The following NELL2 variants were observed in gnomAD, a reference collection of about 807,000 sequenced individuals.
The protein encoded by NELL2 is protein kinase C-binding protein NELL2.
NELL2 carries 41 observed loss-of-function variants against 109.6 expected under a neutral mutation model. That is an observed-to-expected ratio of 0.37 (90% CI 0.29 to 0.49). The LOEUF is 0.49. Ranked by LOEUF, NELL2 falls within the 20% of genes least tolerant of loss-of-function variation. The pLI is 0.98. For synonymous variants in NELL2, 355 were observed against 344.7 expected, an observed-to-expected ratio of 1.03 and a Z score of -0.33; for missense variants, 900 against 1,008.3, an observed-to-expected ratio of 0.89 and a Z score of 1.45.
intron 11 of NELL2, among the ~76,000 whole-genome samples, chr12:44,704,409 C>T (rs1206104783): frequency 6.6e-6 from 1 of 152,112 alleles, no homozygotes; most frequent in Non-Finnish European, 1.5e-5. Context: ...GCAAAGTATG[C>T]TCACTCTAAA....
Position 44,852,924 on chromosome 12 carries a change from T to C in NELL2, c.184+22301A>G, listed in dbSNP as rs1176347308. 3.3e-5 allele frequency among the ~76,000 whole-genome samples: 5 copies of C among 152,282 alleles called. No homozygotes were observed. In the East Asian group the frequency reaches 5.8e-4, roughly 18 times the overall value. On this transcript the variant is annotated intron_variant, in intron 2 of 19. Coordinates refer to ENST00000429094, the MANE Select transcript of NELL2 (RefSeq NM_001145108.2). ...AGATGCTTTATTGTAGAGGCACCTA[T>C]GATAAGGATAATGAAATTTTTGTAG...
At chr12:44,903,597 A>T (rs1260209119) in intron 1 of NELL2, among the ~76,000 whole-genome samples, 1 of 152,196 alleles carries the variant, frequency 6.6e-6, no homozygotes, top group African/African-American at 2.4e-5. Context: ...ACGTATGTTT[A>T]TTGCAGCACT....
chr12:44,648,253 T>A (rs1218870680), intron 13 of NELL2, among the ~76,000 whole-genome samples: 1 of 152,214 alleles, frequency 6.6e-6, no homozygotes, highest in African/African-American at 2.4e-5. Context: ...AACTGCTAAA[T>A]CCTCAAATGA....
At chr12:44,638,174 T>TGAACTAAGAAAAA (rs1428498016) in intron 13 of NELL2, among the ~76,000 whole-genome samples, 1 of 152,100 alleles carries the variant, frequency 6.6e-6, no homozygotes, top group Admixed American at 6.6e-5. Flanking sequence ...ATCCCTTCCT[T>TGAACTAAGAAAAA]CCTCTAGTCT....
At chr12:44,531,586 C>T (rs1035457125) in intron 16 of NELL2, among the ~76,000 whole-genome samples, 19 of 152,168 alleles carry the variant, frequency 1.2e-4, no homozygotes, top group Middle Eastern at 3.2e-3. Context: ...TGTCTGCTGC[C>T]GGCAAAACAG....
intron 10 of NELL2, among the ~76,000 whole-genome samples, chr12:44,713,443 C>A (rs1938326505): frequency 1.3e-5 from 2 of 151,778 alleles, no homozygotes; most frequent in Non-Finnish European, 2.9e-5. Flanking sequence ...ATTCTTTTAT[C>A]TATTGTGAGA....
intron 12 of NELL2, among the ~76,000 whole-genome samples, chr12:44,673,145 G>A (rs531759743): frequency 1.3e-5 from 2 of 152,198 alleles, no homozygotes; most frequent in East Asian, 1.9e-4. Flanking sequence ...GATTTCTCAC[G>A]CCCTGTCTGC....
In NELL2 at chr12:44,617,691, C is replaced by CAAAAAAAA. The variant is rs975070930; in HGVS notation, c.1445-6729_1445-6722dup. Among the ~76,000 whole-genome samples the CAAAAAAAA allele has an allele frequency of 1.2e-3, 27 of 22,364 alleles. 1 individual carries two copies. The highest frequency in any genetic ancestry group is 2.7e-3 in the East Asian group (2 of 732). The allele number at this position is 22,364 out of a possible 152,430, so 14.7% of individuals were successfully genotyped here. ...TGGGCGACAGAGCGAGACTCCGTCT[C>CAAAAAAAA]AAAAAAAAAAAAAAAAAAAAAAGAA... On this transcript the variant is annotated intron_variant, in intron 13 of 19. Coordinates refer to ENST00000429094, the MANE Select transcript of NELL2 (RefSeq NM_001145108.2).
Position 44,522,072 on chromosome 12 carries a change from G to C in NELL2, c.2103C>G (p.Leu701=), listed in dbSNP as rs760364672. 1.1e-5 allele frequency: 18 copies of C among 1,613,898 alleles called. No homozygotes were observed. In the East Asian group the frequency reaches 1.3e-4, roughly 12 times the overall value. ...TATACAAAGTTTCCCCATTTTGATG[G>C]AGGCACTGACTACTAAGCCTTGGGT... The part of the protein sequence containing the change: ...ECDPRLSSQC[L]HQNGETLYNS... The change falls in exon 18 of 20, where the codon CTC becomes CTG. Residue 701 remains leucine (L), a synonymous_variant. Transcript: ENST00000429094.
chr12:44,587,307 A>ATATATATATT (rs1302978950), intron 15 of NELL2, among the ~76,000 whole-genome samples: 11 of 96,644 alleles, frequency 1.1e-4, no homozygotes, highest in African/African-American at 4.2e-4. Flanking sequence ...ATATATATAT[A>ATATATATATT]TTTTTTTTTA....
Position 44,660,252 on chromosome 12 carries a change from C to A in NELL2, c.1444+5232G>T, listed in dbSNP as rs546514257. 3.9e-5 allele frequency among the ~76,000 whole-genome samples: 6 copies of A among 152,278 alleles called. No homozygotes were observed. In the South Asian group the frequency reaches 1.2e-3, roughly 32 times the overall value. On this transcript the variant is annotated intron_variant, in intron 13 of 19. Coordinates refer to ENST00000429094, the MANE Select transcript of NELL2 (RefSeq NM_001145108.2). ...ATCTTACAATTTTAATTGGGTGACT[C>A]TAAAGCAGGATTTCCCAACCTTGGG... is the stretch of plus-strand genomic sequence containing the variant.
intron 13 of NELL2, among the ~76,000 whole-genome samples, chr12:44,647,804 C>T (rs1020204988): frequency 1.3e-5 from 2 of 152,118 alleles, no homozygotes; most frequent in African/African-American, 4.8e-5. Context: ...CTAAGACATT[C>T]TTAGAAAATG....
chr12:44,884,609 C>T (rs1208824259), intron 1 of NELL2, among the ~76,000 whole-genome samples: 2 of 151,904 alleles, frequency 1.3e-5, no homozygotes, highest in Non-Finnish European at 1.5e-5. Flanking sequence ...AGAACATAGA[C>T]TCTAAATTTA....
At chr12:44,691,789 A>C (rs1238059799) in intron 12 of NELL2, among the ~76,000 whole-genome samples, 1 of 152,206 alleles carries the variant, frequency 6.6e-6, no homozygotes, top group Non-Finnish European at 1.5e-5. Context: ...CCTTGAGCCA[A>C]AGCCTAATCA....
intron 17 of NELL2, 126 bp downstream of exon 17, chr12:44,523,165 A>G: frequency 1.1e-6 from 1 of 924,616 alleles, no homozygotes; most frequent in Non-Finnish European, 1.7e-6. Context: ...GTGTTCTGTT[A>G]TATTAATTGT....
chr12:44,749,736 G>A (rs1940559917), intron 9 of NELL2, among the ~76,000 whole-genome samples: 1 of 152,090 alleles, frequency 6.6e-6, no homozygotes, highest in African/African-American at 2.4e-5. Context: ...TACAGCAATG[G>A]CAAACTGTGA....
At chr12:44,740,142 C>T (rs1939872705) in intron 9 of NELL2, among the ~76,000 whole-genome samples, 1 of 152,160 alleles carries the variant, frequency 6.6e-6, no homozygotes, top group South Asian at 2.1e-4. Flanking sequence ...TTGGTAATGA[C>T]TGTCTGAGTT....
At chr12:44,622,765 A>T (rs1254769910) in intron 13 of NELL2, among the ~76,000 whole-genome samples, 1 of 152,168 alleles carries the variant, frequency 6.6e-6, no homozygotes, top group Non-Finnish European at 1.5e-5. Context: ...CTATGGGGCA[A>T]AAGAAACCTA....
intron 2 of NELL2, among the ~76,000 whole-genome samples, chr12:44,873,053 C>T (rs1167578349): frequency 2.0e-5 from 3 of 152,048 alleles, no homozygotes; most frequent in Non-Finnish European, 2.9e-5. Flanking sequence ...TTTCATAATC[C>T]GAATCTTAGA....
Sources: allele counts gnomAD v4.1 joint callset (sites outside exome capture counted in the v4.1 genomes callset), GRCh38; gene constraint gnomAD v4.1.1; transcripts MANE v1.5; gene names NCBI Gene and HGNC (gene_info 2026-07-23, HGNC 2026-07-21).